EEFSEC: variants seen among roughly 807,000 people sequenced by gnomAD.
The protein encoded by EEFSEC is selenocysteine-specific elongation factor.
A neutral mutation model predicts 42.1 loss-of-function variants in EEFSEC; 43 were observed. That is an observed-to-expected ratio of 1.02 (90% CI 0.80 to 1.32). The LOEUF (loss-of-function observed/expected upper bound fraction) is 1.32. EEFSEC is among the 40% of genes most tolerant of loss of function. EEFSEC has a pLI of 0.00. For synonymous variants in EEFSEC, 354 were observed against 339.1 expected, an observed-to-expected ratio of 1.04 and a Z score of -0.48; for missense variants, 745 against 803.6, an observed-to-expected ratio of 0.93 and a Z score of 0.88.
chr3:128,378,812 C>T (rs569591663), intron 6 of EEFSEC, among the ~76,000 whole-genome samples: 21 of 152,344 alleles, frequency 1.4e-4, no homozygotes, highest in African/African-American at 5.1e-4. Context: ...TCCCGTCCCA[C>T]AGGGAGGCCC....
At chr3:128,224,760 T>C (rs1264055563) in intron 1 of EEFSEC, among the ~76,000 whole-genome samples, 3 of 152,244 alleles carry the variant, frequency 2.0e-5, no homozygotes. Flanking sequence ...TAACTATTCT[T>C]TGGTATCCAG....
intron 5 of EEFSEC, among the ~76,000 whole-genome samples, chr3:128,343,089 T>C (rs74917018): frequency 0.015 from 2,269 of 152,298 alleles, 57 homozygotes; most frequent in African/African-American, 0.05. Context: ...GCCCTGAGGC[T>C]TTCAACAAGG....
Position 128,262,242 on chromosome 3 carries a change from C to T in EEFSEC, c.621+18C>T. ...TCATTGAGGTACTGTCATCTTGAAT[C>T]CAGGTTGCCCTTTAGCCCCAGCGCT... is the stretch of plus-strand genomic sequence containing the variant. On this transcript the variant is annotated intron_variant, in intron 3 of 6. Coordinates refer to ENST00000254730, the MANE Select transcript of EEFSEC (RefSeq NM_021937.5). 3.1e-6 allele frequency: 5 copies of T among 1,612,256 alleles called. No homozygotes were observed. The highest frequency in any genetic ancestry group is 4.2e-6 in the Non-Finnish European group (5 of 1,178,358).
intron 1 of EEFSEC, among the ~76,000 whole-genome samples, chr3:128,165,698 G>A (rs938582748): frequency 3.3e-5 from 5 of 152,222 alleles, no homozygotes; most frequent in African/African-American, 1.2e-4. Context: ...TTGGTGCCAT[G>A]CACAGGTGCT....
rs143665348 is a variant in EEFSEC at position 128,230,305 on chromosome 3, C to T, written c.317-16531C>T. On this transcript the variant is annotated intron_variant, in intron 1 of 6. Coordinates refer to ENST00000254730, the MANE Select transcript of EEFSEC (RefSeq NM_021937.5). ...GGACTACAGGCATGTGCCACTGCAC[C>T]TGGCTAATTTTTGTTTTTTAAATTT... 4.0e-4 allele frequency among the ~76,000 whole-genome samples: 61 copies of T among 152,266 alleles called. 3 individuals are homozygous for T. In the East Asian group the frequency reaches 0.012, roughly 29 times the overall value.
At chr3:128,343,818 A>G (rs1044361254) in intron 5 of EEFSEC, among the ~76,000 whole-genome samples, 4 of 152,122 alleles carry the variant, frequency 2.6e-5, no homozygotes, top group East Asian at 3.9e-4. Flanking sequence ...CCTTCCACCA[A>G]CCTGGGGCCA....
intron 5 of EEFSEC, among the ~76,000 whole-genome samples, chr3:128,350,751 G>A (rs552249158): frequency 6.6e-6 from 1 of 152,202 alleles, no homozygotes; most frequent in Non-Finnish European, 1.5e-5. Context: ...GCACAAGCTC[G>A]ATGTGGCCGT....
At chr3:128,291,389 A>G (rs907098714) in intron 4 of EEFSEC, among the ~76,000 whole-genome samples, 1 of 152,200 alleles carries the variant, frequency 6.6e-6, no homozygotes, top group African/African-American at 2.4e-5. Flanking sequence ...ACCCTCATGA[A>G]TAGACTAATA....
chr3:128,162,146 C>G (rs1175552606), intron 1 of EEFSEC, among the ~76,000 whole-genome samples: 1 of 152,214 alleles, frequency 6.6e-6, no homozygotes, highest in African/African-American at 2.4e-5. Flanking sequence ...AGCTTTACTT[C>G]TTTAGTTCCT....
chr3:128,186,438 GTTTA>G (rs772082007), intron 1 of EEFSEC, among the ~76,000 whole-genome samples: 52 of 152,270 alleles, frequency 3.4e-4, no homozygotes, highest in Non-Finnish European at 5.4e-4. Flanking sequence ...AAACATTCAA[GTTTA>G]TTTATTTACT....
chr3:128,372,200 C>T (rs1576679916), intron 6 of EEFSEC, among the ~76,000 whole-genome samples: 1 of 152,212 alleles, frequency 6.6e-6, no homozygotes, highest in South Asian at 2.1e-4. Context: ...GATTGGCTGT[C>T]TCTGGAGGGT....
At chr3:128,255,446 A>G (rs2066232159) in intron 2 of EEFSEC, among the ~76,000 whole-genome samples, 1 of 152,100 alleles carries the variant, frequency 6.6e-6, no homozygotes, top group African/African-American at 2.4e-5. Flanking sequence ...TTTCTCTGCC[A>G]TGCTTCCCCG....
At chr3:128,362,414 T>C (rs2067538280) in intron 6 of EEFSEC, among the ~76,000 whole-genome samples, 1 of 152,234 alleles carries the variant, frequency 6.6e-6, no homozygotes, top group South Asian at 2.1e-4. Context: ...AGGGCACACA[T>C]GTGCCCGTGA....
At chr3:128,284,320 G>T (rs913934120) in intron 4 of EEFSEC, among the ~76,000 whole-genome samples, 3 of 152,134 alleles carry the variant, frequency 2.0e-5, no homozygotes, top group Non-Finnish European at 4.4e-5. Flanking sequence ...TTTTCTTGAC[G>T]ACTAAAGCTT....
chr3:128,365,221 G>A (rs1451067093), intron 6 of EEFSEC, among the ~76,000 whole-genome samples: 1 of 152,218 alleles, frequency 6.6e-6, no homozygotes, highest in South Asian at 2.1e-4. Context: ...AGGCCTGGGT[G>A]GGGAGGGGGC....
chr3:128,337,796 G>A (rs2067206734), intron 4 of EEFSEC, among the ~76,000 whole-genome samples: 1 of 152,242 alleles, frequency 6.6e-6, no homozygotes, highest in East Asian at 1.9e-4. Context: ...AGTGCCAAAT[G>A]TTGGAGCAGA....
At chr3:128,309,034 C>T (rs901558390) in intron 4 of EEFSEC, among the ~76,000 whole-genome samples, 1 of 152,240 alleles carries the variant, frequency 6.6e-6, no homozygotes, top group African/African-American at 2.4e-5. Context: ...AGATAGTCAA[C>T]TAGGTGTTTG....
the EEFSEC span, among the ~76,000 whole-genome samples, chr3:128,415,312 G>T: frequency 6.6e-6 from 1 of 152,166 alleles, no homozygotes; most frequent in East Asian, 1.9e-4. Flanking sequence ...GGCCAGGGAA[G>T]GTGGGCATTG....
intron 4 of EEFSEC, among the ~76,000 whole-genome samples, chr3:128,282,520 G>T (rs919413380): frequency 6.6e-6 from 1 of 152,224 alleles, no homozygotes; most frequent in Non-Finnish European, 1.5e-5. Context: ...ATGTTGACAC[G>T]CACTGGAGCT....
Sources: allele counts gnomAD v4.1 joint callset (sites outside exome capture counted in the v4.1 genomes callset), GRCh38; gene constraint gnomAD v4.1.1; transcripts MANE v1.5; gene names NCBI Gene and HGNC (gene_info 2026-07-23, HGNC 2026-07-21).